Variants in TRIP12 observed in about 807,000 individuals in gnomAD.
The protein encoded by TRIP12 is E3 ubiquitin-protein ligase TRIP12.
TRIP12 carries 25 observed loss-of-function variants against 244.2 expected under a neutral mutation model. The observed-to-expected ratio is 0.10, with a 90% CI of 0.07 to 0.14. The LOEUF (loss-of-function observed/expected upper bound fraction) is 0.14, where lower values mean the gene tolerates loss of function less well. Among genes scored for constraint, TRIP12 ranks in the 10% least tolerant of loss-of-function variants. TRIP12 has a pLI of 1.00. For missense variants in TRIP12, 1,677 were observed against 2,486.4 expected (o/e 0.67, Z 6.92); for synonymous variants, 905 against 873.1 (o/e 1.04, Z -0.64).
intron 4 of TRIP12, among the ~76,000 whole-genome samples, chr2:229,847,087 A>G (rs1334033490): frequency 6.6e-6 from 1 of 152,240 alleles, no homozygotes; most frequent in Non-Finnish European, 1.5e-5. Flanking sequence ...ATATATGTCA[A>G]TATCTAAAAA....
intron 29 of TRIP12, among the ~76,000 whole-genome samples, chr2:229,791,500 C>T (rs1017414995): frequency 2.0e-5 from 3 of 152,216 alleles, no homozygotes; most frequent in Non-Finnish European, 2.9e-5. Flanking sequence ...ATGTAGCAGA[C>T]ACTCACAGAC....
rs2032343260 is a variant in TRIP12 at position 229,767,873 on chromosome 2, G to A, written c.6008-123C>T. On this transcript the variant is annotated intron_variant, in intron 41 of 41. Transcript: ENST00000675903. ...AGATATTCTTTCTTGCTTGGCAATT[G>A]CACATTCAATATACATTAAGTGCAA... 5 of 981,026 alleles carry A rather than the reference G, an allele frequency of 5.1e-6. No individual in the cohort carries two copies. The South Asian group carries it at 9.2e-5, about 18-fold the overall frequency. The allele number at this position is 981,026 out of a possible 1,614,324, so 60.8% of individuals were successfully genotyped here.
At chr2:229,879,675 G>C (rs747800206) in intron 2 of TRIP12, among the ~76,000 whole-genome samples, 2 of 152,216 alleles carry the variant, frequency 1.3e-5, no homozygotes, top group African/African-American at 2.4e-5. Flanking sequence ...CACGAATGGT[G>C]AAAGATGTGT....
intron 13 of TRIP12, among the ~76,000 whole-genome samples, chr2:229,812,670 G>A (rs1230391166): frequency 6.6e-6 from 1 of 152,102 alleles, no homozygotes; most frequent in Non-Finnish European, 1.5e-5. Context: ...GCTGGGCGTG[G>A]TGGCACGCAA....
intron 1 of TRIP12, among the ~76,000 whole-genome samples, chr2:229,895,798 CCTAA>C (rs900171510): frequency 2.6e-5 from 4 of 151,948 alleles, no homozygotes; most frequent in African/African-American, 4.8e-5. Flanking sequence ...ATGCGAGGGA[CCTAA>C]CTGAGCTCAA....
At chr2:229,815,912 T>C (rs1276003759) in intron 9 of TRIP12, among the ~76,000 whole-genome samples, 1 of 152,198 alleles carries the variant, frequency 6.6e-6, no homozygotes, top group African/African-American at 2.4e-5. Context: ...AGTTTAAATA[T>C]CTGATTTCAT....
At chr2:229,847,944 CAG>C (rs2057916868) in intron 4 of TRIP12, among the ~76,000 whole-genome samples, 1 of 152,130 alleles carries the variant, frequency 6.6e-6, no homozygotes, top group Non-Finnish European at 1.5e-5. Flanking sequence ...GAATCGAGTA[CAG>C]ACATACTGTC....
At position 229,787,592 on chromosome 2, in the gene TRIP12, T is replaced by G. The variant is rs761602029; in HGVS notation, c.4908A>C (p.Ala1636=). Residue 1636 remains alanine, a synonymous_variant, in exon 33 of 42, where the codon GCA becomes GCC. Transcript: ENST00000675903. ...FYVTAFDRDR[A]MQRLLDTNPE... The stretch of plus-strand genomic sequence containing the variant: ...GGTTGGTATCAAGTAATCTTTGCAT[T>G]GCTCGGTCCCGATCAAATGCAGTTA... 5.6e-6 allele frequency: 9 copies of G among 1,613,640 alleles called. No individual in the cohort carries two copies. In the Admixed American group the frequency reaches 1.5e-4, roughly 27 times the overall value.
chr2:229,788,578 T>G (rs572420137), intron 32 of TRIP12, among the ~76,000 whole-genome samples: 2 of 152,338 alleles, frequency 1.3e-5, no homozygotes, highest in South Asian at 4.1e-4. Context: ...CTATGTGTAC[T>G]TTCCTGTTTC....
intron 8 of TRIP12, 79 bp downstream of exon 8, chr2:229,829,114 C>T: frequency 7.5e-7 from 1 of 1,325,546 alleles, no homozygotes; most frequent in Middle Eastern, 1.9e-4. Context: ...CTTCTTAATA[C>T]TTACATCAAT....
At chr2:229,815,064 C>T in intron 11 of TRIP12, 35 bp downstream of exon 11, 1 of 1,540,022 alleles carries the variant, frequency 6.5e-7, no homozygotes, top group African/African-American at 1.4e-5. Context: ...CTCCCTATGC[C>T]TGCTTTTGAA....
intron 4 of TRIP12, among the ~76,000 whole-genome samples, chr2:229,845,842 A>G (rs1415195546): frequency 6.9e-6 from 1 of 145,952 alleles, no homozygotes; most frequent in Non-Finnish European, 1.5e-5. Flanking sequence ...CCTGGGCAAC[A>G]TAGTTTCTAC....
intron 37 of TRIP12, among the ~76,000 whole-genome samples, chr2:229,775,216 A>G (rs1389246864): frequency 3.9e-5 from 6 of 152,168 alleles, no homozygotes; most frequent in Non-Finnish European, 8.8e-5. Flanking sequence ...ATAATTCAGA[A>G]TATCAATGAG....
chr2:229,855,443 T>A (rs2059425054), intron 4 of TRIP12, among the ~76,000 whole-genome samples: 1 of 151,906 alleles, frequency 6.6e-6, no homozygotes, highest in Non-Finnish European at 1.5e-5. Context: ...ATATGGTGAA[T>A]GATATGGTAT....
rs2032120577 is a variant in TRIP12, at chr2:229,767,382, TC to T, written c.*171del. 1.5e-6 allele frequency: 1 copy of T among 653,802 alleles called. No homozygotes were observed. Among genetic ancestry groups the T allele is most frequent in the Non-Finnish European group, 2.3e-6 (1 of 428,646 alleles). The allele number at this position is 653,802 out of a possible 1,614,324, so 40.5% of individuals were successfully genotyped here. A position where few individuals can be genotyped will look rare whatever the true frequency, so the allele number is the denominator to read the frequency against. ...CGTTTTAGGGCCTGATCACTTTAAG[TC>T]CATGGGGCCATTAATGAATATCAAC... On this transcript the variant is annotated 3_prime_UTR_variant, in exon 42 of 42. Coordinates refer to ENST00000675903, the MANE Select transcript of TRIP12 (RefSeq NM_001348323.3).
At chr2:229,795,782 T>C (rs966674092) in intron 25 of TRIP12, among the ~76,000 whole-genome samples, 3 of 152,210 alleles carry the variant, frequency 2.0e-5, no homozygotes, top group East Asian at 1.9e-4. Flanking sequence ...AGAAAAGAGA[T>C]TGCACATAAT....
intron 1 of TRIP12, among the ~76,000 whole-genome samples, chr2:229,898,865 T>A (rs2069733629): frequency 6.6e-6 from 1 of 152,136 alleles, no homozygotes; most frequent in African/African-American, 2.4e-5. Flanking sequence ...CTAATTTATT[T>A]TTATTTTTTG....
chr2:229,908,889 C>G (rs1272997373), intron 1 of TRIP12, among the ~76,000 whole-genome samples: 1 of 151,670 alleles, frequency 6.6e-6, no homozygotes, highest in East Asian at 1.9e-4. Flanking sequence ...GCCAGGAGTT[C>G]AAGACCAACC....
intron 6 of TRIP12, among the ~76,000 whole-genome samples, chr2:229,831,621 ACT>A (rs2053408813): frequency 6.6e-6 from 1 of 152,202 alleles, no homozygotes; most frequent in Non-Finnish European, 1.5e-5. Context: ...GCAGGGCCAG[ACT>A]CTGTCTCAAA....
Sources: allele counts gnomAD v4.1 joint callset (sites outside exome capture counted in the v4.1 genomes callset), GRCh38; gene constraint gnomAD v4.1.1; transcripts MANE v1.5; gene names NCBI Gene and HGNC (gene_info 2026-07-23, HGNC 2026-07-21).